CNBD1: variants seen among roughly 807,000 people sequenced by gnomAD.
CNBD1 encodes cyclic nucleotide-binding domain-containing protein 1.
A neutral mutation model predicts 54.4 loss-of-function variants in CNBD1; 71 were observed. The observed-to-expected ratio is 1.30, with a 90% CI of 1.08 to 1.59. CNBD1 has a LOEUF of 1.59. Among genes scored for constraint, CNBD1 ranks in the 40% most tolerant of loss-of-function variants. CNBD1 has a pLI of 0.00. For missense variants in CNBD1, 659 were observed against 518.0 expected (o/e 1.27, Z -2.64); for synonymous variants, 182 against 170.7 (o/e 1.07, Z -0.51).
chr8:86,944,330 A>C (rs1369259672), intron 4 of CNBD1, among the ~76,000 whole-genome samples: 2 of 152,182 alleles, frequency 1.3e-5, no homozygotes, highest in Admixed American at 1.3e-4. Flanking sequence ...GGAACACACA[A>C]TATCTTTGCC....
chr8:87,048,859 C>T (rs918077944), intron 4 of CNBD1, among the ~76,000 whole-genome samples: 1 of 152,170 alleles, frequency 6.6e-6, no homozygotes, highest in Non-Finnish European at 1.5e-5. Context: ...CAAGCATTAA[C>T]AAGCTGACCA....
At chr8:86,868,794 T>G (rs1482656798) in intron 1 of CNBD1, among the ~76,000 whole-genome samples, 1 of 152,218 alleles carries the variant, frequency 6.6e-6, no homozygotes, top group Non-Finnish European at 1.5e-5. Flanking sequence ...TTCACAAAAC[T>G]TATGAATAGG....
At chr8:87,026,444 G>T (rs557058866) in intron 4 of CNBD1, among the ~76,000 whole-genome samples, 1 of 150,088 alleles carries the variant, frequency 6.7e-6, no homozygotes, top group Non-Finnish European at 1.5e-5. Context: ...TACTTTGAGG[G>T]AAAAATGTGA....
chr8:87,098,340 A>G lies in CNBD1; in HGVS notation c.432-107653A>G, dbSNP rs1418045558. 3.9e-5 allele frequency among the ~76,000 whole-genome samples: 6 copies of G among 152,218 alleles called. No homozygotes were observed. The East Asian group carries it at 9.6e-4, about 24-fold the overall frequency. On this transcript the variant is annotated intron_variant, in intron 4 of 10. Transcript: ENST00000518476. ...CCAAATATTTTAAATAAAATAGTGA[A>G]CAAAATAGAGAGGTAGCCCCACTCT...
chr8:87,378,006 T>G (rs78971390), intron 10 of CNBD1, among the ~76,000 whole-genome samples: 31,359 of 128,762 alleles, frequency 0.24, 3,878 homozygotes, highest in Middle Eastern at 0.36. Context: ...GGTTGTTTGT[T>G]TTTTTCTTGT....
At chr8:87,152,235 A>C (rs867037242) in intron 4 of CNBD1, among the ~76,000 whole-genome samples, 2 of 152,242 alleles carry the variant, frequency 1.3e-5, no homozygotes, top group African/African-American at 2.4e-5. Context: ...ACATGAGTAT[A>C]GTTACAGAGG....
chr8:87,416,702 C>G (rs1475080160), intron 2 of CNBD1, among the ~76,000 whole-genome samples: 3 of 151,932 alleles, frequency 2.0e-5, no homozygotes, highest in Admixed American at 6.6e-5. Context: ...TTGTTGAAAA[C>G]AGTAAGAGGC....
intron 2 of CNBD1, among the ~76,000 whole-genome samples, chr8:87,393,217 G>A (rs1184028053): frequency 6.6e-6 from 1 of 151,834 alleles, no homozygotes; most frequent in Non-Finnish European, 1.5e-5. Context: ...GGAGGCAGTA[G>A]TCCCCTATTT....
chr8:87,317,526 TATTA>T (rs1481579692), intron 8 of CNBD1, among the ~76,000 whole-genome samples: 2 of 151,832 alleles, frequency 1.3e-5, no homozygotes, highest in African/African-American at 2.4e-5. Context: ...TATATGTTAT[TATTA>T]ATTGTGTAAT....
rs1306445646 is a variant in CNBD1 at position 87,225,127 on chromosome 8, C to CT, written c.578-11790dup. Among the ~76,000 whole-genome samples, 3 of 150,338 alleles carry CT rather than the reference C, an allele frequency of 2.0e-5. No individual in the cohort carries two copies. In the East Asian group the frequency reaches 5.9e-4, roughly 29 times the overall value. On this transcript the variant is annotated intron_variant, in intron 5 of 10. Transcript: ENST00000518476. ...AGACTTTGCTGAAGTTGCTTATCAG[C>CT]TTAAGGAGATTTTGGGCTGAGACAA...
intron 8 of CNBD1, among the ~76,000 whole-genome samples, chr8:87,312,352 C>T (rs1465295167): frequency 2.6e-5 from 4 of 151,994 alleles, no homozygotes. Flanking sequence ...GGGGCAATTG[C>T]TGCATGATTA....
intron 4 of CNBD1, among the ~76,000 whole-genome samples, chr8:87,205,033 C>A (rs1323480824): frequency 6.6e-6 from 1 of 151,756 alleles, no homozygotes; most frequent in African/African-American, 2.4e-5. Flanking sequence ...CAGACATAAA[C>A]CTGTATGCAT....
At chr8:87,287,940 T>C (rs1808726439) in intron 8 of CNBD1, among the ~76,000 whole-genome samples, 16 of 152,154 alleles carry the variant, frequency 1.1e-4, no homozygotes, top group Admixed American at 1.0e-3. Flanking sequence ...ATTTGTAATA[T>C]TATGTTTTTG....
At chr8:87,069,286 A>G (rs141489418) in intron 4 of CNBD1, among the ~76,000 whole-genome samples, 74 of 152,212 alleles carry the variant, frequency 4.9e-4, no homozygotes, top group African/African-American at 1.7e-3. Context: ...GGCAATGCCT[A>G]TGTCAAGCAG....
intron 7 of CNBD1, among the ~76,000 whole-genome samples, chr8:87,286,293 C>T (rs149385607): frequency 6.6e-6 from 1 of 152,154 alleles, no homozygotes; most frequent in African/African-American, 2.4e-5. Flanking sequence ...ACTTCTAAAA[C>T]ATTTATAGAA....
At position 87,020,632 on chromosome 8, in the gene CNBD1, T is replaced by G. The variant is rs189684543; in HGVS notation, c.431+80878T>G. 3.0e-3 allele frequency among the ~76,000 whole-genome samples: 454 copies of G among 152,128 alleles called. 8 individuals carry two copies. Among genetic ancestry groups the G allele is most frequent in the Admixed American group, 0.027 (413 of 15,262 alleles). ...TTATTTAACCCTATATATTGTGACT[T>G]ACTTTTCAATCTAACTCTGGCATAA... is the stretch of plus-strand genomic sequence containing the variant. On this transcript the variant is annotated intron_variant, in intron 4 of 10. Transcript: ENST00000518476.
chr8:87,115,553 G>A (rs1018860940), intron 4 of CNBD1, among the ~76,000 whole-genome samples: 1 of 152,150 alleles, frequency 6.6e-6, no homozygotes, highest in African/African-American at 2.4e-5. Flanking sequence ...TGATAGACAT[G>A]TGGAAATATA....
chr8:87,058,623 G>A (rs1392964152), intron 4 of CNBD1, among the ~76,000 whole-genome samples: 1 of 152,128 alleles, frequency 6.6e-6, no homozygotes, highest in Non-Finnish European at 1.5e-5. Context: ...TAAGGCTGGG[G>A]GCTTGCCTTC....
At chr8:87,032,036 C>G (rs1809806196) in intron 4 of CNBD1, among the ~76,000 whole-genome samples, 1 of 152,208 alleles carries the variant, frequency 6.6e-6, no homozygotes, top group Non-Finnish European at 1.5e-5. Context: ...GCCACAGTGC[C>G]CAGCCTAACC....
Sources: allele counts gnomAD v4.1 joint callset (sites outside exome capture counted in the v4.1 genomes callset), GRCh38; gene constraint gnomAD v4.1.1; transcripts MANE v1.5; gene names NCBI Gene and HGNC (gene_info 2026-07-23, HGNC 2026-07-21).